The following PTPRK variants were observed in gnomAD, a reference collection of about 807,000 sequenced individuals.
PTPRK encodes protein tyrosine phosphatase receptor type K.
Under a neutral mutation model 178.0 loss-of-function variants are expected in PTPRK, and 75 were observed. The observed-to-expected ratio is 0.42, with a 90% CI of 0.35 to 0.51. The LOEUF (loss-of-function observed/expected upper bound fraction) is 0.51, where lower values mean the gene tolerates loss of function less well. Among genes scored for constraint, PTPRK ranks in the 20% least tolerant of loss-of-function variants. The pLI is 0.02. For missense variants in PTPRK, 1,441 were observed against 1,797.8 expected (o/e 0.80, Z 3.59); for synonymous variants, 637 against 620.6 (o/e 1.03, Z -0.39).
chr6:128,021,606 C>G (rs185852809), intron 13 of PTPRK, among the ~76,000 whole-genome samples: 1 of 152,318 alleles, frequency 6.6e-6, no homozygotes, highest in East Asian at 1.9e-4. Context: ...TGCCACTGCA[C>G]TCCAGCCTGG....
intron 2 of PTPRK, among the ~76,000 whole-genome samples, chr6:128,364,349 T>C (rs913478636): frequency 2.6e-5 from 4 of 152,060 alleles, no homozygotes; most frequent in Non-Finnish European, 4.4e-5. Context: ...TTTTATCTTG[T>C]CGTATTATGG....
chr6:128,324,995 A>G (rs749260946), intron 2 of PTPRK, among the ~76,000 whole-genome samples: 2 of 152,194 alleles, frequency 1.3e-5, no homozygotes, highest in South Asian at 2.1e-4. Flanking sequence ...AAGCTTATTT[A>G]CGATTGTTCT....
chr6:128,306,514 G>A (rs985603407), intron 3 of PTPRK, among the ~76,000 whole-genome samples: 5 of 152,148 alleles, frequency 3.3e-5, no homozygotes, highest in Admixed American at 2.0e-4. Flanking sequence ...CGAGAGAATC[G>A]GCAAGGTATG....
chr6:128,318,147 G>A (rs1056796488), intron 3 of PTPRK, among the ~76,000 whole-genome samples: 17 of 152,128 alleles, frequency 1.1e-4, no homozygotes, highest in Admixed American at 2.0e-4. Context: ...CTATGACAGA[G>A]GAGGGACATC....
chr6:128,133,594 A>G (rs1279305073), intron 7 of PTPRK, among the ~76,000 whole-genome samples: 2 of 152,206 alleles, frequency 1.3e-5, no homozygotes, highest in African/African-American at 4.8e-5. Flanking sequence ...TTGATAAAAC[A>G]TATTTCACAA....
chr6:128,422,846 T>C (rs1006794351), intron 1 of PTPRK, among the ~76,000 whole-genome samples: 2 of 152,136 alleles, frequency 1.3e-5, no homozygotes, highest in African/African-American at 4.8e-5. Flanking sequence ...CCCTAGTCTA[T>C]GTGGTTCAAA....
At chr6:128,035,801 C>G (rs1056022295) in intron 13 of PTPRK, among the ~76,000 whole-genome samples, 5 of 152,008 alleles carry the variant, frequency 3.3e-5, no homozygotes, top group African/African-American at 9.7e-5. Flanking sequence ...GATTAAGACT[C>G]TATAATATTT....
intron 12 of PTPRK, 70 bp downstream of exon 12, chr6:128,067,449 G>T: frequency 7.2e-7 from 1 of 1,385,136 alleles, no homozygotes; most frequent in Non-Finnish European, 9.7e-7. Flanking sequence ...GGATGCTACT[G>T]AGTATTCATA....
At chr6:128,192,236 A>G (rs1393526978) in intron 6 of PTPRK, among the ~76,000 whole-genome samples, 1 of 152,184 alleles carries the variant, frequency 6.6e-6, no homozygotes, top group East Asian at 1.9e-4. Context: ...TTTCACTTTC[A>G]AAAGTAAAAA....
At chr6:128,020,122 G>A (rs1773266125) in intron 13 of PTPRK, among the ~76,000 whole-genome samples, 1 of 152,104 alleles carries the variant, frequency 6.6e-6, no homozygotes, top group African/African-American at 2.4e-5. Context: ...GGAAAGTAAT[G>A]AGCTGGTTCA....
chr6:127,977,472 G>T lies in PTPRK; in HGVS notation c.3712-418C>A, dbSNP rs533290543. ...AAAGTAAGCACAAAACCCCTGGTAT[G>T]TCTATCAATCATCTGGGTATGTGTA... On this transcript the variant is annotated intron_variant, in intron 25 of 29. Coordinates refer to ENST00000368226, the MANE Select transcript of PTPRK (RefSeq NM_002844.4). Among the ~76,000 whole-genome samples the T allele has an allele frequency of 8.5e-5, 13 of 152,300 alleles. No homozygotes were observed. The South Asian group carries it at 2.5e-3, about 29-fold the overall frequency.
At chr6:128,009,347 C>A in intron 13 of PTPRK, 79 bp from the exon 14 acceptor site, 3 of 1,303,950 alleles carry the variant, frequency 2.3e-6, no homozygotes, top group East Asian at 2.3e-5. Flanking sequence ...TAATTACCTC[C>A]AAGAAACACA....
chr6:127,971,415 T>G (rs1773885756), intron 29 of PTPRK, among the ~76,000 whole-genome samples: 1 of 152,196 alleles, frequency 6.6e-6, no homozygotes, highest in Non-Finnish European at 1.5e-5. Context: ...GAGGTCTTTA[T>G]CATTCCAACA....
chr6:128,390,876 G>A (rs775295417), intron 2 of PTPRK, among the ~76,000 whole-genome samples: 3 of 152,098 alleles, frequency 2.0e-5, no homozygotes, highest in Non-Finnish European at 2.9e-5. Flanking sequence ...GCTAATAGTA[G>A]TAAGTACTTT....
At chr6:128,013,132 C>T (rs748379586) in intron 13 of PTPRK, among the ~76,000 whole-genome samples, 2 of 151,352 alleles carry the variant, frequency 1.3e-5, no homozygotes, top group Non-Finnish European at 3.0e-5. Context: ...TGTCTACTCC[C>T]TCTTTCTTGG....
At chr6:128,171,043 C>T (rs1800171868) in intron 7 of PTPRK, among the ~76,000 whole-genome samples, 1 of 151,776 alleles carries the variant, frequency 6.6e-6, no homozygotes, top group African/African-American at 2.4e-5. Flanking sequence ...GATAATTCTC[C>T]CATATAATGT....
chr6:128,014,891 G>T (rs1374717676), intron 13 of PTPRK, among the ~76,000 whole-genome samples: 2 of 151,554 alleles, frequency 1.3e-5, no homozygotes, highest in African/African-American at 4.8e-5. Context: ...CTAAAACAGG[G>T]TCTACCAGAG....
At chr6:128,471,364 T>TG (rs894054518) in intron 1 of PTPRK, among the ~76,000 whole-genome samples, 7 of 151,196 alleles carry the variant, frequency 4.6e-5, no homozygotes, top group Middle Eastern at 3.2e-3. Context: ...AGGAAATGAA[T>TG]GGGGGGGAAA....
At chr6:128,395,185 T>C (rs1210131437) in intron 2 of PTPRK, among the ~76,000 whole-genome samples, 1 of 152,000 alleles carries the variant, frequency 6.6e-6, no homozygotes, top group Non-Finnish European at 1.5e-5. Context: ...ATGAAAAAAA[T>C]AGTATCTATT....
Sources: allele counts gnomAD v4.1 joint callset (sites outside exome capture counted in the v4.1 genomes callset), GRCh38; gene constraint gnomAD v4.1.1; transcripts MANE v1.5; gene names NCBI Gene and HGNC (gene_info 2026-07-23, HGNC 2026-07-21).